ASIC2: variants seen among roughly 807,000 people sequenced by gnomAD.
ASIC2 encodes the protein acid-sensing ion channel 2.
ASIC2 carries 25 observed loss-of-function variants against 57.3 expected under a neutral mutation model. That is an observed-to-expected ratio of 0.44 (90% CI 0.32 to 0.61). The LOEUF is 0.61. ASIC2 is among the 20% of genes least tolerant of loss of function. The pLI is 0.06. For synonymous variants in ASIC2, 319 were observed against 307.5 expected (o/e 1.04, Z -0.39); for missense variants, 641 against 738.1 (o/e 0.87, Z 1.52).
intron 3 of ASIC2, among the ~76,000 whole-genome samples, chr17:33,068,459 G>A (rs2092053260): frequency 6.6e-6 from 1 of 152,126 alleles, no homozygotes; most frequent in African/African-American, 2.4e-5. Context: ...CTTGAACCTG[G>A]GAGGCAGAGG....
intron 1 of ASIC2, among the ~76,000 whole-genome samples, chr17:33,395,194 ATCCATTCATCCATCCATCCG>A (rs1910033780): frequency 6.6e-6 from 1 of 150,778 alleles, no homozygotes. Flanking sequence ...CCATCAACCT[ATCCATTCATCCATCCATCCG>A]TCCATCCATC....
At chr17:34,098,321 T>C (rs942931427) in intron 1 of ASIC2, among the ~76,000 whole-genome samples, 1 of 152,176 alleles carries the variant, frequency 6.6e-6, no homozygotes, top group Non-Finnish European at 1.5e-5. Context: ...GGAAACTTGA[T>C]GACATCAAGT....
chr17:33,524,771 T>C (rs568522246), intron 1 of ASIC2, among the ~76,000 whole-genome samples: 16 of 152,230 alleles, frequency 1.1e-4, no homozygotes, highest in Non-Finnish European at 1.9e-4. Context: ...CAGGGTCTCA[T>C]TATGTTGCCC....
chr17:33,389,049 T>C lies in ASIC2; in HGVS notation c.556-276982A>G, dbSNP rs571293561. Among the ~76,000 whole-genome samples the C allele has an allele frequency of 2.0e-5, 3 of 152,296 alleles. No individual in the cohort carries two copies. The South Asian group carries it at 6.2e-4, about 32-fold the overall frequency. On this transcript the variant is annotated intron_variant, in intron 1 of 9. Coordinates refer to the ASIC2 transcript ENST00000359872. ...ATCTTGGCTCACTGCAACCTCTGCCTCCCAGGTTCAAGCAATACTCATGCC... is the reference window on the plus strand; with the variant it reads ...ATCTTGGCTCACTGCAACCTCTGCCCCCCAGGTTCAAGCAATACTCATGCC...
intron 1 of ASIC2, among the ~76,000 whole-genome samples, chr17:33,502,657 G>A (rs573972155): frequency 5.9e-5 from 9 of 152,310 alleles, no homozygotes; most frequent in African/African-American, 1.9e-4. Context: ...CCAGAAACCC[G>A]GGTTACAATC....
chr17:33,768,154 G>A (rs1409468669), intron 1 of ASIC2, among the ~76,000 whole-genome samples: 5 of 151,964 alleles, frequency 3.3e-5, no homozygotes, highest in Non-Finnish European at 7.4e-5. Context: ...GACTACGGGC[G>A]CCTGCCACCG....
At chr17:33,845,053 C>G (rs1913542616) in intron 1 of ASIC2, among the ~76,000 whole-genome samples, 1 of 152,180 alleles carries the variant, frequency 6.6e-6, no homozygotes, top group Non-Finnish European at 1.5e-5. Flanking sequence ...AAAATATGAA[C>G]AGATTATGGG....
intron 1 of ASIC2, among the ~76,000 whole-genome samples, chr17:33,284,595 A>T (rs1464948934): frequency 6.6e-6 from 1 of 152,106 alleles, no homozygotes. Flanking sequence ...TGTGAGTGGT[A>T]CCCTCTATGA....
intron 1 of ASIC2, among the ~76,000 whole-genome samples, chr17:33,164,208 T>C (rs952157793): frequency 6.6e-6 from 1 of 152,202 alleles, no homozygotes; most frequent in African/African-American, 2.4e-5. Flanking sequence ...GTCTGGTCAA[T>C]GGATCCCCTC....
At chr17:33,416,367 G>A (rs145305862) in intron 1 of ASIC2, among the ~76,000 whole-genome samples, 33 of 152,012 alleles carry the variant, frequency 2.2e-4, no homozygotes, top group Non-Finnish European at 4.4e-4. Flanking sequence ...CTCTTTTTTC[G>A]ATTTGCACTC....
chr17:33,505,039 G>A (rs1381634766), intron 1 of ASIC2, among the ~76,000 whole-genome samples: 1 of 152,164 alleles, frequency 6.6e-6, no homozygotes, highest in Non-Finnish European at 1.5e-5. Flanking sequence ...TTTATGGAAT[G>A]GGTCTGGCTC....
At chr17:33,722,326 G>C (rs772815994) in intron 1 of ASIC2, among the ~76,000 whole-genome samples, 1 of 152,200 alleles carries the variant, frequency 6.6e-6, no homozygotes, top group Non-Finnish European at 1.5e-5. Flanking sequence ...GGAACTGTGA[G>C]TCAATTAAAC....
chr17:33,428,187 G>A (rs1911283736), intron 1 of ASIC2, among the ~76,000 whole-genome samples: 1 of 152,128 alleles, frequency 6.6e-6, no homozygotes, highest in Non-Finnish European at 1.5e-5. Context: ...TTTGTTTTAA[G>A]TCATTTTTTT....
intron 1 of ASIC2, among the ~76,000 whole-genome samples, chr17:33,660,651 T>C (rs1907228341): frequency 6.6e-6 from 1 of 152,238 alleles, no homozygotes; most frequent in Non-Finnish European, 1.5e-5. Context: ...TGCTTTTACC[T>C]GACTGGCAGC....
At chr17:33,799,459 TTTCTTTCTTTCTTTCTTTCC>T (rs1256440162) in intron 1 of ASIC2, among the ~76,000 whole-genome samples, 3 of 120,688 alleles carry the variant, frequency 2.5e-5, no homozygotes, top group East Asian at 4.3e-4. Context: ...TCTTTCTTTC[TTTCTTTCTTTCTTTCTTTCC>T]TTCTTTCTTT....
At chr17:33,943,667 GC>G (rs1490598090) in intron 1 of ASIC2, among the ~76,000 whole-genome samples, 1 of 131,520 alleles carries the variant, frequency 7.6e-6, no homozygotes, top group Non-Finnish European at 1.6e-5. Context: ...GGAGAAAGAA[GC>G]CAACATTCAT....
At chr17:34,129,074 C>T (rs188239162) in intron 1 of ASIC2, among the ~76,000 whole-genome samples, 87 of 152,088 alleles carry the variant, frequency 5.7e-4, no homozygotes, top group African/African-American at 1.9e-3. Flanking sequence ...CCCCTACCCT[C>T]GAGAGCACGG....
chr17:33,666,851 G>A (rs1274443133), intron 1 of ASIC2, among the ~76,000 whole-genome samples: 1 of 152,170 alleles, frequency 6.6e-6, no homozygotes, highest in Non-Finnish European at 1.5e-5. Context: ...GGTTTGGGTT[G>A]CCAGATAAAC....
chr17:33,133,705 C>G (rs1003622351), intron 1 of ASIC2, among the ~76,000 whole-genome samples: 2 of 152,152 alleles, frequency 1.3e-5, no homozygotes, highest in Admixed American at 1.3e-4. Flanking sequence ...AAGGTAGGTC[C>G]GTGGTGATCT....
Sources: gnomAD v4.1 joint callset for allele counts (sites outside exome capture counted in the v4.1 genomes callset) on GRCh38, gnomAD v4.1.1 for gene constraint, MANE v1.5 for transcripts, NCBI Gene and HGNC (gene_info 2026-07-23, HGNC 2026-07-21) for gene names.